The following CNTNAP5 variants were observed in gnomAD, a reference collection of about 807,000 sequenced individuals.
CNTNAP5 encodes the protein contactin associated protein family member 5.
CNTNAP5 carries 72 observed loss-of-function variants against 150.2 expected under a neutral mutation model. That is an observed-to-expected ratio of 0.48 (90% CI 0.40 to 0.58). The LOEUF is 0.58. Among genes scored for constraint, CNTNAP5 ranks in the 20% least tolerant of loss-of-function variants. CNTNAP5 has a pLI of 0.00. For synonymous variants in CNTNAP5, 672 were observed against 619.8 expected (o/e 1.08, Z -1.25); for missense variants, 1,636 against 1,626.2 (o/e 1.01, Z -0.10).
chr2:124,029,080 CA>C (rs1680971414), intron 1 of CNTNAP5, among the ~76,000 whole-genome samples: 1 of 151,972 alleles, frequency 6.6e-6, no homozygotes, highest in Non-Finnish European at 1.5e-5. Context: ...TTTCCATGTG[CA>C]GTATCTAAGT....
chr2:124,105,247 A>G (rs1175519074), intron 1 of CNTNAP5, among the ~76,000 whole-genome samples: 3 of 152,194 alleles, frequency 2.0e-5, no homozygotes, highest in African/African-American at 4.8e-5. Flanking sequence ...ATCTTCCACT[A>G]ATAGACATTT....
chr2:124,844,055 T>C (rs1448242756), intron 19 of CNTNAP5, among the ~76,000 whole-genome samples: 1 of 152,158 alleles, frequency 6.6e-6, no homozygotes, highest in Non-Finnish European at 1.5e-5. Context: ...TGCATTTGCT[T>C]TGGGGTTCTT....
intron 1 of CNTNAP5, among the ~76,000 whole-genome samples, chr2:124,106,235 G>A (rs1296190963): frequency 6.6e-6 from 1 of 152,176 alleles, no homozygotes; most frequent in Non-Finnish European, 1.5e-5. Flanking sequence ...TGTGGGCTTT[G>A]TCTCTAGTTC....
intron 3 of CNTNAP5, among the ~76,000 whole-genome samples, chr2:124,278,244 T>C (rs1687931791): frequency 6.6e-6 from 1 of 152,064 alleles, no homozygotes; most frequent in East Asian, 1.9e-4. Flanking sequence ...TAATAAGATA[T>C]AAGCAGATTC....
At chr2:124,899,486 A>G (rs1156970115) in intron 21 of CNTNAP5, among the ~76,000 whole-genome samples, 1 of 151,654 alleles carries the variant, frequency 6.6e-6, no homozygotes, top group Non-Finnish European at 1.5e-5. Context: ...GAGTGACAGA[A>G]ACTAAGTCAA....
intron 1 of CNTNAP5, among the ~76,000 whole-genome samples, chr2:124,137,214 G>A (rs932539006): frequency 6.6e-6 from 1 of 152,042 alleles, no homozygotes; most frequent in Non-Finnish European, 1.5e-5. Flanking sequence ...GGGTGTGTGA[G>A]GGAGTCAATT....
chr2:124,624,073 G>A lies in CNTNAP5; in HGVS notation c.1876+14153G>A, dbSNP rs150650082. 6.9e-4 allele frequency among the ~76,000 whole-genome samples: 105 copies of A among 152,328 alleles called. 1 individual carries two copies. The East Asian group carries it at 0.019, about 28-fold the overall frequency. On this transcript the variant is annotated intron_variant, in intron 12 of 23. Transcript: ENST00000682447. ...CTTCCAGAAGGCTGGTCTCTTAGGC[G>A]AAGCTCTGGAGCTGCTCTGCGTGTG...
intron 5 of CNTNAP5, among the ~76,000 whole-genome samples, chr2:124,440,472 AAAG>A (rs1174828213): frequency 6.6e-6 from 1 of 152,174 alleles, no homozygotes; most frequent in Admixed American, 6.6e-5. Context: ...TAAGACCTAG[AAAG>A]AAGATTTAAT....
At chr2:124,910,137 C>A (rs1305846791) in intron 22 of CNTNAP5, among the ~76,000 whole-genome samples, 1 of 151,910 alleles carries the variant, frequency 6.6e-6, no homozygotes. Context: ...AACTACCACA[C>A]TCCCTTCACT....
intron 1 of CNTNAP5, among the ~76,000 whole-genome samples, chr2:124,120,265 T>A (rs1683530992): frequency 6.6e-6 from 1 of 152,128 alleles, no homozygotes; most frequent in African/African-American, 2.4e-5. Flanking sequence ...TCCCAGAGCC[T>A]AGGCTGAGCT....
rs1340468838 is a variant in CNTNAP5, at chr2:124,763,722, A to T, written c.2285A>T (p.Gln762Leu). ...LSFKDHLPVT[Q>L]IVITDTDRSN... is the part of the protein sequence containing the mutation. ...TTCAAAGACCACTTGCCTGTCACTC[A>T]GATAGTTATCACTGATACCGACAGA... Residue 762 changes from glutamine (Q) to leucine (L), a missense_variant, in exon 15 of 24, where the codon CAG becomes CTG. Transcript: ENST00000682447. 1 of 1,613,010 alleles carries T rather than the reference A, an allele frequency of 6.2e-7. No homozygotes were observed.
intron 19 of CNTNAP5, among the ~76,000 whole-genome samples, chr2:124,832,689 G>T (rs780646040): frequency 6.6e-6 from 1 of 151,942 alleles, no homozygotes; most frequent in Non-Finnish European, 1.5e-5. Flanking sequence ...GGGAGAACTT[G>T]CCAAGTTGTG....
intron 1 of CNTNAP5, among the ~76,000 whole-genome samples, chr2:124,149,403 C>CAAAAAAAAAAAAAAAAAA (rs71394025): frequency 1.2e-5 from 1 of 82,806 alleles, no homozygotes; most frequent in African/African-American, 5.0e-5. Flanking sequence ...GCGTCAATTG[C>CAAAAAAAAAAAAAAAAAA]AAAAAAAAAA....
intron 10 of CNTNAP5, among the ~76,000 whole-genome samples, chr2:124,543,631 C>T (rs147145058): frequency 3.9e-5 from 6 of 152,258 alleles, no homozygotes; most frequent in African/African-American, 7.2e-5. Flanking sequence ...AAGCAGCATT[C>T]GAATCAGATA....
At chr2:124,576,174 A>ATATC (rs763081322) in intron 11 of CNTNAP5, among the ~76,000 whole-genome samples, 30 of 144,308 alleles carry the variant, frequency 2.1e-4, no homozygotes, top group Middle Eastern at 3.6e-3. Flanking sequence ...ATATCTATAT[A>ATATC]TATGTGCAGA....
intron 1 of CNTNAP5, among the ~76,000 whole-genome samples, chr2:124,214,666 C>A (rs1353981290): frequency 6.6e-6 from 1 of 152,154 alleles, no homozygotes; most frequent in Non-Finnish European, 1.5e-5. Flanking sequence ...GGATCCCAGA[C>A]CAATGGTCTT....
intron 1 of CNTNAP5, among the ~76,000 whole-genome samples, chr2:124,150,195 A>G (rs1428493049): frequency 6.6e-6 from 1 of 152,210 alleles, no homozygotes; most frequent in Non-Finnish European, 1.5e-5. Flanking sequence ...ATTTGCTGTT[A>G]TATCAAAACA....
At chr2:124,907,361 A>G (rs994379775) in intron 22 of CNTNAP5, among the ~76,000 whole-genome samples, 1 of 151,934 alleles carries the variant, frequency 6.6e-6, no homozygotes, top group Non-Finnish European at 1.5e-5. Context: ...AGGAGTTCTT[A>G]TGGAATGTTA....
chr2:124,774,742 T>A (rs1176478448), intron 17 of CNTNAP5, among the ~76,000 whole-genome samples: 5 of 152,176 alleles, frequency 3.3e-5, no homozygotes, highest in Admixed American at 3.3e-4. Flanking sequence ...AGGCAGTATT[T>A]ATGAATCTTT....
Sources: gnomAD v4.1 joint callset for allele counts (sites outside exome capture counted in the v4.1 genomes callset) on GRCh38, gnomAD v4.1.1 for gene constraint, MANE v1.5 for transcripts, NCBI Gene and HGNC (gene_info 2026-07-23, HGNC 2026-07-21) for gene names.